The following RCAN2 variants were observed in gnomAD, a reference collection of about 807,000 sequenced individuals.
RCAN2 encodes the protein regulator of calcineurin 2.
In RCAN2, 9 loss-of-function variants were observed where a neutral mutation model predicts 23.6. The observed-to-expected ratio is 0.38, with a 90% CI of 0.23 to 0.67. The LOEUF is 0.67. RCAN2 is among the 30% of genes least tolerant of loss of function. RCAN2 has a pLI of 0.51. For missense variants in RCAN2, 273 were observed against 302.3 expected (o/e 0.90, Z 0.72); for synonymous variants, 109 against 115.7 (o/e 0.94, Z 0.37).
chr6:46,326,978 C>T (rs1340477027), intron 2 of RCAN2, among the ~76,000 whole-genome samples: 1 of 152,176 alleles, frequency 6.6e-6, no homozygotes, highest in African/African-American at 2.4e-5. Context: ...TGCATTTGTT[C>T]AAGTGGCATT....
intron 1 of RCAN2, among the ~76,000 whole-genome samples, chr6:46,490,768 T>G (rs1362008427): frequency 5.8e-5 from 3 of 52,130 alleles, no homozygotes; most frequent in Non-Finnish European, 8.9e-5. Context: ...ATCCAGTTAG[T>G]CTCTTCTAGA....
Position 46,223,251 on chromosome 6 carries a change from C to T in RCAN2, c.622G>A (p.Val208Met). 6.2e-7 allele frequency: 1 copy of T among 1,613,870 alleles called. No individual in the cohort carries two copies. The highest frequency in any genetic ancestry group is 8.5e-7 in the Non-Finnish European group (1 of 1,179,888). ...TCTATGTCACTGTCGCACACGTGCA[C>T]GACGACACTTGGGGTGGACTCAGTC... Reference protein sequence around the residue: ...AGTESTPSVVVHVCDSDIEEE... With the variant: ...AGTESTPSVVMHVCDSDIEEE... The change falls in exon 5 of 5, where the codon GTG becomes ATG. Residue 208 changes from valine (V) to methionine (M), a missense_variant. Transcript: ENST00000371374.
chr6:46,345,932 TAAA>T (rs984554405), intron 2 of RCAN2, among the ~76,000 whole-genome samples: 2 of 152,162 alleles, frequency 1.3e-5, no homozygotes, highest in African/African-American at 4.8e-5. Context: ...ATATTTATTT[TAAA>T]AACCTCTCAG....
chr6:46,325,038 A>T (rs1763745320), intron 2 of RCAN2, among the ~76,000 whole-genome samples: 1 of 152,260 alleles, frequency 6.6e-6, no homozygotes, highest in African/African-American at 2.4e-5. Flanking sequence ...TGCTTTCTTC[A>T]TGTAATCATT....
chr6:46,300,075 T>C (rs6935930), intron 2 of RCAN2, among the ~76,000 whole-genome samples: 109,068 of 151,322 alleles, frequency 0.72, 40,689 homozygotes, highest in Non-Finnish European at 0.83. Flanking sequence ...AGAAGCCAAA[T>C]GTAAAGTAAA....
At chr6:46,478,176 C>T (rs1241893904) in intron 1 of RCAN2, among the ~76,000 whole-genome samples, 1 of 152,132 alleles carries the variant, frequency 6.6e-6, no homozygotes. Context: ...ATGATGTAAA[C>T]TAGAAAACTG....
Position 46,302,953 on chromosome 6 carries a change from C to T in RCAN2, c.226-54057G>A, listed in dbSNP as rs185368895. The stretch of plus-strand genomic sequence containing the variant: ...AGCAGGGTTTCAAACCCAAGTGGGG[C>T]TGACTCCCAAGAGCCTCAGTCAACC... On this transcript the variant is annotated intron_variant, in intron 2 of 4. Coordinates refer to ENST00000371374, the MANE Select transcript of RCAN2 (RefSeq NM_001251974.2). Among the ~76,000 whole-genome samples the T allele has an allele frequency of 6.4e-3, 980 of 152,108 alleles. 43 individuals carry two copies. Among genetic ancestry groups the T allele is most frequent in the Admixed American group, 0.056 (857 of 15,278 alleles).
intron 2 of RCAN2, among the ~76,000 whole-genome samples, chr6:46,354,204 ACT>A (rs1764752742): frequency 1.8e-5 from 1 of 55,296 alleles, no homozygotes; most frequent in Non-Finnish European, 3.8e-5. Context: ...GTGTTATTTT[ACT>A]GTGTGTGTGT....
chr6:46,322,627 G>A (rs993047224), intron 2 of RCAN2, among the ~76,000 whole-genome samples: 1 of 152,230 alleles, frequency 6.6e-6, no homozygotes, highest in Non-Finnish European at 1.5e-5. Flanking sequence ...ATGGCTGCTT[G>A]CCCATGGGGG....
chr6:46,391,483 T>C (rs1272817143), intron 2 of RCAN2, among the ~76,000 whole-genome samples: 1 of 152,148 alleles, frequency 6.6e-6, no homozygotes, highest in African/African-American at 2.4e-5. Flanking sequence ...AAGCTGCACA[T>C]AGATAGGGCA....
intron 2 of RCAN2, among the ~76,000 whole-genome samples, chr6:46,257,886 G>A (rs1766971827): frequency 6.6e-6 from 1 of 152,238 alleles, no homozygotes; most frequent in South Asian, 2.1e-4. Flanking sequence ...ATGCAGAGGA[G>A]TGAGAAGTCT....
At chr6:46,227,286 A>G (rs1286337727) in intron 4 of RCAN2, among the ~76,000 whole-genome samples, 1 of 152,182 alleles carries the variant, frequency 6.6e-6, no homozygotes, top group Non-Finnish European at 1.5e-5. Flanking sequence ...TGGTATCAGG[A>G]TGATGCTGGC....
intron 2 of RCAN2, among the ~76,000 whole-genome samples, chr6:46,275,577 T>G (rs1322283118): frequency 6.6e-6 from 1 of 152,204 alleles, no homozygotes; most frequent in Non-Finnish European, 1.5e-5. Flanking sequence ...TCTTTTTTGT[T>G]GGCTTGGTAT....
chr6:46,369,304 T>TA (rs1765262765), intron 2 of RCAN2, among the ~76,000 whole-genome samples: 2 of 152,018 alleles, frequency 1.3e-5, no homozygotes, highest in Non-Finnish European at 2.9e-5. Flanking sequence ...TTAACTTTTT[T>TA]AAAAAAATAG....
In RCAN2 at chr6:46,456,773, C is replaced by T. The variant is rs915774941; in HGVS notation, c.204G>A (p.Val68=). The change falls in exon 2 of 5, where the codon GTG becomes GTA. Residue 68 remains valine (V), a synonymous_variant. Coordinates refer to ENST00000371374, the MANE Select transcript of RCAN2 (RefSeq NM_001251974.2). ...TTACCTTGCTCTCTTCTCCTTCAAA[C>T]ACTGACTGGTGAACATTGCACGCAA... ...SLFACNVHQS[V]FEGEESKEKF... is the part of the protein sequence containing the mutation. The T allele has an allele frequency of 5.2e-6, 8 of 1,550,766 alleles. No homozygotes were observed. In the African/African-American group the frequency reaches 8.2e-5, roughly 16 times the overall value.
chr6:46,360,291 G>A (rs962392863), intron 2 of RCAN2, among the ~76,000 whole-genome samples: 1 of 151,934 alleles, frequency 6.6e-6, no homozygotes, highest in African/African-American at 2.4e-5. Flanking sequence ...CCAGCACTTT[G>A]GGAGGCCGAG....
At chr6:46,373,973 A>G (rs1232738776) in intron 2 of RCAN2, among the ~76,000 whole-genome samples, 2 of 152,176 alleles carry the variant, frequency 1.3e-5, no homozygotes, top group African/African-American at 4.8e-5. Context: ...TACTTCTACC[A>G]TGTCAACCCA....
intron 2 of RCAN2, among the ~76,000 whole-genome samples, chr6:46,295,776 G>A (rs1204563598): frequency 6.6e-6 from 1 of 152,090 alleles, no homozygotes; most frequent in Non-Finnish European, 1.5e-5. Context: ...AGAGGTTGGA[G>A]CCAGAGGAGA....
chr6:46,223,780 G>T (rs1216857637), intron 4 of RCAN2, among the ~76,000 whole-genome samples: 2 of 152,196 alleles, frequency 1.3e-5, no homozygotes, highest in African/African-American at 4.8e-5. Flanking sequence ...GGAATAAGGT[G>T]GGGTTATCAC....
Sources: allele counts gnomAD v4.1 joint callset (sites outside exome capture counted in the v4.1 genomes callset), GRCh38; gene constraint gnomAD v4.1.1; transcripts MANE v1.5; gene names NCBI Gene and HGNC (gene_info 2026-07-23, HGNC 2026-07-21).